Variants in CACNA2D3 observed in about 807,000 individuals in gnomAD.
The protein encoded by CACNA2D3 is calcium voltage-gated channel auxiliary subunit alpha2delta 3.
CACNA2D3 carries 60 observed loss-of-function variants against 160.6 expected under a neutral mutation model. The observed-to-expected ratio is 0.37, with a 90% confidence interval of 0.30 to 0.46. The LOEUF (loss-of-function observed/expected upper bound fraction) is 0.46, where lower values mean the gene tolerates loss of function less well. Ranked by LOEUF, CACNA2D3 falls within the 20% of genes least tolerant of loss-of-function variation. CACNA2D3 has a pLI of 1.00. For synonymous variants in CACNA2D3, 558 were observed against 492.9 expected (o/e 1.13, Z -1.75); for missense variants, 1,205 against 1,365.0 (o/e 0.88, Z 1.85).
chr3:54,460,815 G>T (rs1276197778), intron 4 of CACNA2D3, among the ~76,000 whole-genome samples: 1 of 152,156 alleles, frequency 6.6e-6, no homozygotes, highest in African/African-American at 2.4e-5. Flanking sequence ...ACACTATGTT[G>T]AATAGGAGTG....
At chr3:54,893,338 CTG>C (rs1170493764) in intron 25 of CACNA2D3, among the ~76,000 whole-genome samples, 1 of 151,852 alleles carries the variant, frequency 6.6e-6, no homozygotes, top group Non-Finnish European at 1.5e-5. Flanking sequence ...ATTCCTACAA[CTG>C]TGTGTTCTAT....
chr3:54,646,967 G>C (rs1489223125), intron 11 of CACNA2D3, among the ~76,000 whole-genome samples: 1 of 152,168 alleles, frequency 6.6e-6, no homozygotes, highest in Non-Finnish European at 1.5e-5. Flanking sequence ...AAGCCTTTAT[G>C]GCCAGAAACT....
In CACNA2D3 at chr3:54,689,010, A is replaced by AAAAAGAGAG. The variant is rs1553785965; in HGVS notation, c.1167+46770_1167+46771insAAAGAGAGA. On this transcript the variant is annotated intron_variant, in intron 11 of 37. Transcript: ENST00000474759. ...AAAAAAAAAAAAAAAAAAAAAAAAA[A>AAAAAGAGAG]AGAATGAGGTTGTATACATAAAGCA... Among the ~76,000 whole-genome samples the AAAAAGAGAG allele has an allele frequency of 3.0e-4, 26 of 85,496 alleles. 4 individuals carry two copies. Among genetic ancestry groups the AAAAAGAGAG allele is most frequent in the Admixed American group, 7.6e-4 (5 of 6,582 alleles). 56.1% of individuals were successfully genotyped at this position (85,496 alleles called of 152,430 possible). A position where few individuals can be genotyped will look rare whatever the true frequency, so the allele number is the denominator to read the frequency against.
intron 9 of CACNA2D3, among the ~76,000 whole-genome samples, chr3:54,622,635 C>T (rs1350124243): frequency 6.6e-6 from 1 of 151,790 alleles, no homozygotes; most frequent in African/African-American, 2.4e-5. Context: ...CAATTGCCTC[C>T]ACACAATAAC....
chr3:54,668,853 C>T (rs1700112908), intron 11 of CACNA2D3, among the ~76,000 whole-genome samples: 1 of 152,220 alleles, frequency 6.6e-6, no homozygotes, highest in South Asian at 2.1e-4. Context: ...CAAATGTGGG[C>T]TTTTCCTGCT....
chr3:55,044,391 C>T (rs551775291), intron 35 of CACNA2D3, among the ~76,000 whole-genome samples: 15 of 152,224 alleles, frequency 9.9e-5, no homozygotes, highest in African/African-American at 3.1e-4. Flanking sequence ...ATTTCAATTA[C>T]GAACTGTTCA....
intron 2 of CACNA2D3, among the ~76,000 whole-genome samples, chr3:54,252,100 GT>G (rs548233026): frequency 5.1e-4 from 62 of 120,928 alleles, no homozygotes; most frequent in East Asian, 9.2e-4. Context: ...TGCAGAGCTA[GT>G]TTTTTTTTTT....
chr3:54,470,485 C>G (rs1275810181), intron 4 of CACNA2D3, among the ~76,000 whole-genome samples: 1 of 152,104 alleles, frequency 6.6e-6, no homozygotes, highest in Non-Finnish European at 1.5e-5. Flanking sequence ...AAAACATACC[C>G]AGTTGTAAAG....
intron 11 of CACNA2D3, among the ~76,000 whole-genome samples, chr3:54,745,955 T>C (rs562633094): frequency 1.2e-4 from 18 of 152,368 alleles, no homozygotes; most frequent in African/African-American, 4.3e-4. Context: ...TGAAATTTTA[T>C]TACTTTTGTA....
At position 54,646,114 on chromosome 3, in the gene CACNA2D3, CCTTCCTTCCTTT is replaced by C. The variant is rs1175276959; in HGVS notation, c.1167+3885_1167+3896del. On this transcript the variant is annotated intron_variant, in intron 11 of 37. Coordinates refer to ENST00000474759, the MANE Select transcript of CACNA2D3 (RefSeq NM_018398.3). ...CTGGGTGGGCAGGTTTTCCTTCCTT[CCTTCCTTCCTTT>C]CTTCCTTCCTTCCTTCCTTCCTTCC... 1.4e-4 allele frequency among the ~76,000 whole-genome samples: 17 copies of C among 124,522 alleles called. No individual in the cohort carries two copies. In the South Asian group the frequency reaches 3.3e-3, roughly 24 times the overall value. 81.7% of individuals were successfully genotyped at this position (124,522 alleles called of 152,430 possible).
chr3:54,168,909 C>T (rs150028065), intron 2 of CACNA2D3, among the ~76,000 whole-genome samples: 2 of 152,288 alleles, frequency 1.3e-5, no homozygotes, highest in Non-Finnish European at 2.9e-5. Context: ...CACTGTCCTG[C>T]GTGGAAGATC....
chr3:54,958,235 T>A lies in CACNA2D3; in HGVS notation c.2450-10215T>A, dbSNP rs72877970. 3.1e-3 allele frequency among the ~76,000 whole-genome samples: 467 copies of A among 152,294 alleles called. 5 individuals are homozygous for A. Among genetic ancestry groups the A allele is most frequent in the African/African-American group, 0.011 (448 of 41,580 alleles). The stretch of plus-strand genomic sequence containing the variant: ...TGCTGACAAGAAAACCAGCAGAATA[T>A]TCCATGTATCGGATGGGTGTGGTGG... On this transcript the variant is annotated intron_variant, in intron 27 of 37. Coordinates refer to ENST00000474759, the MANE Select transcript of CACNA2D3 (RefSeq NM_018398.3).
intron 25 of CACNA2D3, among the ~76,000 whole-genome samples, chr3:54,891,813 C>T (rs1348826109): frequency 6.6e-6 from 1 of 152,224 alleles, no homozygotes; most frequent in Non-Finnish European, 1.5e-5. Flanking sequence ...TTCAGCTGTT[C>T]TGCAGCTATG....
chr3:54,160,723 G>A (rs1700329181), intron 2 of CACNA2D3, among the ~76,000 whole-genome samples: 1 of 152,192 alleles, frequency 6.6e-6, no homozygotes, highest in Admixed American at 6.5e-5. Context: ...TAAGCTGTGA[G>A]ACTTCACGTT....
chr3:55,041,689 A>G (rs9869614), intron 35 of CACNA2D3, among the ~76,000 whole-genome samples: 56,750 of 151,620 alleles, frequency 0.37, 10,899 homozygotes, highest in African/African-American at 0.44. Context: ...TTTGATCTTT[A>G]TGATTTCTTC....
At chr3:55,073,618 A>G (rs1704868488) in intron 36 of CACNA2D3, 61 bp downstream of exon 36, 2 of 1,382,888 alleles carry the variant, frequency 1.4e-6, no homozygotes, top group Admixed American at 1.7e-5. Context: ...TATCAGTGGT[A>G]AGGAAACCTG....
intron 27 of CACNA2D3, among the ~76,000 whole-genome samples, chr3:54,944,435 T>C (rs1420901977): frequency 6.6e-6 from 1 of 150,632 alleles, no homozygotes; most frequent in African/African-American, 2.5e-5. Context: ...TATTTATTTA[T>C]TTTGAGACGG....
Position 54,924,748 on chromosome 3 carries a change from G to A in CACNA2D3, c.2449+24880G>A, listed in dbSNP as rs1364372228. 3.1e-6 allele frequency: 5 copies of A among 1,614,028 alleles called. No homozygotes were observed. The Admixed American group carries it at 8.3e-5, about 27-fold the overall frequency. On this transcript the variant is annotated intron_variant, in intron 27 of 37. Transcript: ENST00000474759. The stretch of plus-strand genomic sequence containing the variant: ...TCCAGGAGCGCTCGATCAAGCTGCT[G>A]AAGCTGGTTTTGTTGAACCGCAAGT...
At chr3:55,020,071 T>A (rs910432199) in intron 35 of CACNA2D3, among the ~76,000 whole-genome samples, 1 of 152,048 alleles carries the variant, frequency 6.6e-6, no homozygotes, top group Non-Finnish European at 1.5e-5. Context: ...TTGTTATTGT[T>A]GAAATCTAAA....
Sources: gnomAD v4.1 joint callset for allele counts (sites outside exome capture counted in the v4.1 genomes callset) on GRCh38, gnomAD v4.1.1 for gene constraint, MANE v1.5 for transcripts, NCBI Gene and HGNC (gene_info 2026-07-23, HGNC 2026-07-21) for gene names.